Variants in DNAH7 observed in about 807,000 individuals in gnomAD.
DNAH7 encodes axonemal beta dynein heavy chain 7.
A neutral mutation model predicts 444.6 loss-of-function variants in DNAH7; 397 were observed. The ratio of observed to expected loss-of-function variants is 0.89; its 90% confidence interval spans 0.82 to 0.97. DNAH7 has a LOEUF of 0.97. Ranked by LOEUF, DNAH7 falls within the 50% of genes least tolerant of loss-of-function variation. The pLI is 0.00. For synonymous variants in DNAH7, 1,636 were observed against 1,624.4 expected (o/e 1.01, Z -0.17); for missense variants, 4,902 against 4,800.8 (o/e 1.02, Z -0.62).
At chr2:195,964,975 C>A (rs1691374432) in intron 17 of DNAH7, among the ~76,000 whole-genome samples, 1 of 151,988 alleles carries the variant, frequency 6.6e-6, no homozygotes, top group African/African-American at 2.4e-5. Flanking sequence ...CATTGGACTG[C>A]TGTAGCTAGT....
chr2:196,065,976 T>C (rs73987722), intron 1 of DNAH7, among the ~76,000 whole-genome samples: 6,706 of 152,344 alleles, frequency 0.044, 338 homozygotes, highest in African/African-American at 0.12. Flanking sequence ...TTTATAAATG[T>C]TCTTCAGTTA....
At chr2:196,004,325 TC>T (rs144076453) in intron 10 of DNAH7, among the ~76,000 whole-genome samples, 3,642 of 152,224 alleles carry the variant, frequency 0.024, 138 homozygotes, top group African/African-American at 0.082. Flanking sequence ...AGGGTAGTAG[TC>T]CTGGGGATTA....
At position 195,926,167 on chromosome 2, in the gene DNAH7, G is replaced by T. The variant is rs147933259; in HGVS notation, c.3612+259C>A. On this transcript the variant is annotated intron_variant, in intron 22 of 64. Transcript: ENST00000312428. ...AGGCATAAAATGTATATAATAACAAGATTGAGGTTCAAGTATCATTGACTT... is the reference window on the plus strand; with the variant it reads ...AGGCATAAAATGTATATAATAACAATATTGAGGTTCAAGTATCATTGACTT... 4.7e-4 allele frequency among the ~76,000 whole-genome samples: 72 copies of T among 152,054 alleles called. No individual in the cohort carries two copies. In the East Asian group the frequency reaches 0.014, roughly 29 times the overall value.
chr2:196,039,366 G>A (rs1225871197), intron 5 of DNAH7, among the ~76,000 whole-genome samples: 1 of 151,972 alleles, frequency 6.6e-6, no homozygotes, highest in Admixed American at 6.6e-5. Flanking sequence ...TGCTAGAAGG[G>A]AAGTTTATAG....
intron 10 of DNAH7, among the ~76,000 whole-genome samples, chr2:196,006,929 CACG>C (rs879817055): frequency 1.3e-5 from 2 of 152,002 alleles, no homozygotes; most frequent in South Asian, 2.1e-4. Flanking sequence ...CTGAAAACTA[CACG>C]ACATTGTTGA....
At chr2:196,045,525 T>TA (rs1334367074) in intron 5 of DNAH7, among the ~76,000 whole-genome samples, 2 of 151,320 alleles carry the variant, frequency 1.3e-5, no homozygotes, top group East Asian at 1.9e-4. Flanking sequence ...AGTGTTAACT[T>TA]AAAAAAAATA....
rs943797782 is a variant in DNAH7 at position 195,771,872 on chromosome 2, C to A, written c.11221G>T (p.Gly3741Cys). The change falls in exon 61 of 65, where the codon GGT becomes TGT. Residue 3741 changes from glycine to cysteine, a missense_variant. By Grantham distance (159) the Gly-to-Cys change is radical. Coordinates refer to ENST00000312428, the MANE Select transcript of DNAH7 (RefSeq NM_018897.3). Reference sequence around the variant, plus strand: ...ACTACTTCATCTGATGATTTTGCACCAGCACCTGCTGAACGAGACTATGAA... The same window carrying A: ...ACTACTTCATCTGATGATTTTGCACAAGCACCTGCTGAACGAGACTATGAA... ...LLTQSRSAGA[G>C]AKSSDEVVNE... 7.4e-6 allele frequency: 12 copies of A among 1,614,152 alleles called. No homozygotes were observed. The highest frequency in any genetic ancestry group is 1.0e-5 in the Non-Finnish European group (12 of 1,180,016).
chr2:195,875,743 T>C lies in DNAH7; in HGVS notation c.6218A>G (p.Tyr2073Cys). The change falls in exon 38 of 65, where the codon TAT (tyrosine) becomes TGT (cysteine). Residue 2073 changes from tyrosine (Y) to cysteine (C), a missense_variant. Coordinates refer to ENST00000312428, the MANE Select transcript of DNAH7 (RefSeq NM_018897.3). ...AATCATGGAACAATCTTTTAGATCATACCAGTTCCAGTGGTCTAACCACTG... is the reference window on the plus strand; with the variant it reads ...AATCATGGAACAATCTTTTAGATCACACCAGTTCCAGTGGTCTAACCACTG... ...LRQWLDHWNW[Y>C]DLKDCSMIKL... 2 of 1,613,644 alleles carry C rather than the reference T, an allele frequency of 1.2e-6. No homozygotes were observed. Among genetic ancestry groups the C allele is most frequent in the Non-Finnish European group, 1.7e-6 (2 of 1,179,820 alleles).
At chr2:195,921,665 G>A (rs1688034959) in intron 24 of DNAH7, among the ~76,000 whole-genome samples, 1 of 152,080 alleles carries the variant, frequency 6.6e-6, no homozygotes, top group Non-Finnish European at 1.5e-5. Context: ...GGTGATGGGT[G>A]CACCAAATCT....
chr2:195,960,438 T>C lies in DNAH7; in HGVS notation c.2713A>G (p.Met905Val). Reference protein sequence around the residue: ...ASKEYSLEKAMEKMITEWDAV... With the variant: ...ASKEYSLEKAVEKMITEWDAV... ...TCCCACTCAGTAATCATCTTCTCCA[T>C]CGCCTTTTCAAGAGAATATTCTTTG... The change falls in exon 18 of 65, where the codon ATG becomes GTG. Residue 905 changes from methionine (M) to valine (V), a missense_variant. Met to Val is a conservative substitution (Grantham distance 21). Transcript: ENST00000312428. The C allele has an allele frequency of 6.2e-7, 1 of 1,614,228 alleles. No individual in the cohort carries two copies. The highest frequency in any genetic ancestry group is 8.5e-7 in the Non-Finnish European group (1 of 1,180,038).
At chr2:195,914,961 C>T (rs1386925950) in intron 24 of DNAH7, among the ~76,000 whole-genome samples, 1 of 152,152 alleles carries the variant, frequency 6.6e-6, no homozygotes, top group Non-Finnish European at 1.5e-5. Flanking sequence ...CATACCTGGC[C>T]AAAACATTTA....
Position 195,777,869 on chromosome 2 carries a change from G to A in DNAH7, c.10995C>T (p.Pro3665=), listed in dbSNP as rs771750868. Residue 3665 remains proline (P), a synonymous_variant, in exon 59 of 65, where the codon CCC becomes CCT. Transcript: ENST00000312428. ...LRSILNKFFN[P]ELVENSDYKF... ...TATAGTCTGAATTTTCAACTAATTC[G>A]GGATTGAAGAATTTGTTTAGAATGC... 5 of 1,613,978 alleles carry A rather than the reference G, an allele frequency of 3.1e-6. No individual in the cohort carries two copies. Among genetic ancestry groups the A allele is most frequent in the African/African-American group, 1.3e-5 (1 of 74,922 alleles).
At chr2:195,866,317 T>A (rs1700339910) in intron 40 of DNAH7, among the ~76,000 whole-genome samples, 1 of 152,168 alleles carries the variant, frequency 6.6e-6, no homozygotes, top group African/African-American at 2.4e-5. Context: ...TGTATTGTTA[T>A]CAAATTGATG....
At chr2:195,821,511 C>G (rs1016441233) in intron 49 of DNAH7, among the ~76,000 whole-genome samples, 1 of 152,162 alleles carries the variant, frequency 6.6e-6, no homozygotes, top group African/African-American at 2.4e-5. Flanking sequence ...ATGTCTGTGT[C>G]CTGGGTGGCA....
chr2:195,891,302 A>C (rs1701999513), intron 31 of DNAH7, among the ~76,000 whole-genome samples: 1 of 152,248 alleles, frequency 6.6e-6, no homozygotes, highest in Non-Finnish European at 1.5e-5. Context: ...CAGCCCACAG[A>C]GTGGGTGGAG....
chr2:195,849,998 C>T (rs569225380), intron 46 of DNAH7, among the ~76,000 whole-genome samples: 1 of 152,128 alleles, frequency 6.6e-6, no homozygotes, highest in Non-Finnish European at 1.5e-5. Context: ...TAGCTTGAAG[C>T]TGGAGTAGGC....
intron 3 of DNAH7, among the ~76,000 whole-genome samples, chr2:196,050,402 G>A (rs1029534082): frequency 6.6e-6 from 1 of 152,148 alleles, no homozygotes; most frequent in Non-Finnish European, 1.5e-5. Flanking sequence ...GATGAAAAGA[G>A]TTCTGGAGAT....
Position 195,809,787 on chromosome 2 carries a change from A to G in DNAH7, c.9846T>C (p.Phe3282=). 6.3e-7 allele frequency: 1 copy of G among 1,599,864 alleles called. No individual in the cohort carries two copies. Among genetic ancestry groups the G allele is most frequent in the South Asian group, 1.1e-5 (1 of 88,744 alleles). ...RSLFEKDKLL[F]SFCLTINLLL... ...GTAGATTTATGGTTAGACAAAAGGA[A>G]AAGAGCAGCTTATCCTTTTCAAAGA... Residue 3282 remains phenylalanine, a synonymous_variant, in exon 52 of 65, where the codon TTT becomes TTC. Coordinates refer to ENST00000312428, the MANE Select transcript of DNAH7 (RefSeq NM_018897.3).
intron 7 of DNAH7, 89 bp downstream of exon 7, chr2:196,026,671 T>C: frequency 1.2e-6 from 1 of 850,072 alleles, no homozygotes; most frequent in Admixed American, 2.8e-5. Flanking sequence ...ATATTGTGAC[T>C]AGTTTCAAGT....
Sources: allele counts gnomAD v4.1 joint callset (sites outside exome capture counted in the v4.1 genomes callset), GRCh38; gene constraint gnomAD v4.1.1; transcripts MANE v1.5; gene names NCBI Gene and HGNC (gene_info 2026-07-23, HGNC 2026-07-21).